ANAPC7: variants seen among roughly 807,000 people sequenced by gnomAD.
The protein encoded by ANAPC7 is anaphase-promoting complex subunit 7.
In ANAPC7, 25 loss-of-function variants were observed where a neutral mutation model predicts 63.3. The ratio of observed to expected loss-of-function variants is 0.39; its 90% CI spans 0.29 to 0.55. The LOEUF (loss-of-function observed/expected upper bound fraction) is 0.55. Among genes scored for constraint, ANAPC7 ranks in the 20% least tolerant of loss-of-function variants. The pLI, the probability that ANAPC7 is intolerant of heterozygous loss-of-function variation, is 0.57. For missense variants in ANAPC7, 516 were observed against 691.7 expected (o/e 0.75, Z 2.85); for synonymous variants, 241 against 251.7 (o/e 0.96, Z 0.40).
At chr12:110,379,977 A>C (rs1366374675) in intron 8 of ANAPC7, among the ~76,000 whole-genome samples, 1 of 152,284 alleles carries the variant, frequency 6.6e-6, no homozygotes, top group African/African-American at 2.4e-5. Flanking sequence ...ACCCATTCCC[A>C]CAGCCAACAC....
intron 3 of ANAPC7, among the ~76,000 whole-genome samples, chr12:110,394,066 C>T (rs1392767068): frequency 6.9e-6 from 1 of 144,092 alleles, no homozygotes; most frequent in East Asian, 2.2e-4. Flanking sequence ...ATCCCAGCTA[C>T]CCAGGAGGCT....
intron 8 of ANAPC7, chr12:110,378,530 G>C (rs757711630): frequency 2.6e-5 from 4 of 152,156 alleles, no homozygotes; most frequent in African/African-American, 7.2e-5. Flanking sequence ...TTCCCTAAAC[G>C]AGATGAACAG....
chr12:110,385,645 C>A (rs1007397037), intron 6 of ANAPC7, among the ~76,000 whole-genome samples: 1 of 152,232 alleles, frequency 6.6e-6, no homozygotes, highest in Non-Finnish European at 1.5e-5. Context: ...CTCATCTAAA[C>A]GCTTGGGATG....
intron 3 of ANAPC7, among the ~76,000 whole-genome samples, chr12:110,391,161 G>T (rs1883053622): frequency 6.6e-6 from 1 of 152,148 alleles, no homozygotes; most frequent in Non-Finnish European, 1.5e-5. Context: ...TTGCACTCCA[G>T]CCTGGGCAAC....
chr12:110,373,190 T>C lies in ANAPC7; in HGVS notation c.*954A>G, dbSNP rs961933470. ...ATACTCAGGCTGACCAGTGACAGAC[T>C]GCTGGAACCAGACCCCAATCTCACA... On this transcript the variant is annotated 3_prime_UTR_variant, in exon 11 of 11. Transcript: ENST00000455511. The C allele has an allele frequency of 6.6e-5, 10 of 152,044 alleles. No homozygotes were observed. The highest frequency in any genetic ancestry group is 2.4e-4 in the African/African-American group (10 of 41,370). The allele number at this position is 152,044 out of a possible 1,614,324, so 9.4% of individuals were successfully genotyped here.
In ANAPC7 at chr12:110,403,629, C is replaced by T. The variant is rs568252603; in HGVS notation, c.-2G>A. Reference sequence around the variant, plus strand: ...CCGCACGTGGTCTATCACATTCATCCTGCTCTGCAAAGCCGCGGGCAGCGG... The same window carrying T: ...CCGCACGTGGTCTATCACATTCATCTTGCTCTGCAAAGCCGCGGGCAGCGG... On this transcript the variant is annotated 5_prime_UTR_variant, in exon 1 of 11. Coordinates refer to ENST00000455511, the MANE Select transcript of ANAPC7 (RefSeq NM_016238.3). The T allele has an allele frequency of 3.1e-6, 5 of 1,600,282 alleles. No individual in the cohort carries two copies. The South Asian group carries it at 5.6e-5, about 18-fold the overall frequency.
chr12:110,403,256 G>A (rs1015084693), intron 1 of ANAPC7, among the ~76,000 whole-genome samples: 1 of 152,222 alleles, frequency 6.6e-6, no homozygotes, highest in African/African-American at 2.4e-5. Flanking sequence ...GGTGCCTCAG[G>A]AAACCCTCGC....
At chr12:110,381,666 G>C (rs1172649187) in intron 8 of ANAPC7, 86 bp downstream of exon 8, 2 of 1,329,996 alleles carry the variant, frequency 1.5e-6, no homozygotes, top group Non-Finnish European at 2.1e-6. Flanking sequence ...CAGAGTTTGG[G>C]AAGTGCTGGC....
intron 4 of ANAPC7, 22 bp from the exon 5 acceptor site, chr12:110,387,914 G>A: frequency 6.2e-7 from 1 of 1,610,654 alleles, no homozygotes; most frequent in African/African-American, 1.3e-5. Context: ...GAAAGCAGAA[G>A]AAAGAAAGTA....
chr12:110,376,261 A>C (rs1229263151), intron 9 of ANAPC7, 45 bp from the exon 10 acceptor site: 1 of 1,603,412 alleles, frequency 6.2e-7, no homozygotes, highest in Non-Finnish European at 8.5e-7. Context: ...GTACAAAAAA[A>C]CCACAACTAC....
chr12:110,393,040 C>A (rs952234689), intron 3 of ANAPC7, among the ~76,000 whole-genome samples: 1 of 152,134 alleles, frequency 6.6e-6, no homozygotes, highest in Non-Finnish European at 1.5e-5. Flanking sequence ...GATGATTCAC[C>A]CACCTCGGCC....
At chr12:110,390,012 C>A (rs1320475833) in intron 3 of ANAPC7, among the ~76,000 whole-genome samples, 2 of 152,026 alleles carry the variant, frequency 1.3e-5, no homozygotes, top group Non-Finnish European at 2.9e-5. Flanking sequence ...AAGTTATAGG[C>A]AAGTGATAAA....
intron 7 of ANAPC7, among the ~76,000 whole-genome samples, chr12:110,382,608 C>A (rs1882047053): frequency 6.6e-6 from 1 of 150,772 alleles, no homozygotes; most frequent in Non-Finnish European, 1.5e-5. Flanking sequence ...TCTCACTCTG[C>A]CGCCCACCTG....
At chr12:110,392,270 A>C (rs1270537802) in intron 3 of ANAPC7, among the ~76,000 whole-genome samples, 1 of 152,188 alleles carries the variant, frequency 6.6e-6, no homozygotes, top group Non-Finnish European at 1.5e-5. Flanking sequence ...AGGTTAATTC[A>C]TAATAAACTT....
intron 6 of ANAPC7, 52 bp from the exon 7 acceptor site, chr12:110,383,012 G>T: frequency 6.9e-7 from 1 of 1,442,764 alleles, no homozygotes; most frequent in Non-Finnish European, 9.6e-7. Context: ...AGAAGCAGGG[G>T]TCCCACATAC....
intron 7 of ANAPC7, among the ~76,000 whole-genome samples, chr12:110,382,461 A>AAAATATATATAT (rs1555289541): frequency 9.7e-5 from 3 of 30,844 alleles, no homozygotes; most frequent in Non-Finnish European, 1.2e-4. Flanking sequence ...AAAAAAAAAA[A>AAAATATATATAT]ATATATATAT....
At position 110,374,229 on chromosome 12, in the gene ANAPC7, C is replaced by T; in HGVS notation, c.1613G>A (p.Gly538Glu). The T allele has an allele frequency of 6.2e-7, 1 of 1,614,170 alleles. No individual in the cohort carries two copies. ...TQEEDVDDME[G>E]SGEEGDLEGS... ...CTCCAGGTCCCCTTCTTCCCCACTC[C>T]CTTCCATGTCGTCCACATCCTCCTC... The change falls in exon 11 of 11, where the codon GGG (glycine) becomes GAG (glutamate). Residue 538 changes from glycine to glutamate, a missense_variant. Transcript: ENST00000455511.
chr12:110,395,317 TC>T (rs1883478169), intron 2 of ANAPC7, 97 bp from the exon 3 acceptor site: 6 of 1,243,614 alleles, frequency 4.8e-6, no homozygotes, highest in Non-Finnish European at 6.5e-6. Flanking sequence ...ACCCAGCAAT[TC>T]TTTTTTTTTT....
chr12:110,397,557 C>CAAAA (rs536665095), intron 1 of ANAPC7, among the ~76,000 whole-genome samples: 2 of 98,408 alleles, frequency 2.0e-5, no homozygotes, highest in Admixed American at 1.2e-4. Flanking sequence ...GATCTCGTCT[C>CAAAA]AAAAAAAAAA....
Sources: gnomAD v4.1 joint callset for allele counts (sites outside exome capture counted in the v4.1 genomes callset) on GRCh38, gnomAD v4.1.1 for gene constraint, MANE v1.5 for transcripts, NCBI Gene and HGNC (gene_info 2026-07-23, HGNC 2026-07-21) for gene names.